Variants in MED27 observed in about 807,000 individuals in gnomAD.
The protein encoded by MED27 is mediator of RNA polymerase II transcription subunit 27.
In MED27, 30 loss-of-function variants were observed where a neutral mutation model predicts 38.2. The observed-to-expected ratio is 0.79, with a 90% CI of 0.59 to 1.07. The LOEUF is 1.07. Among genes scored for constraint, MED27 ranks in the 50% least tolerant of loss-of-function variants. The pLI is 0.00. For missense variants in MED27, 289 were observed against 397.5 expected (o/e 0.73, Z 2.32); for synonymous variants, 122 against 153.5 (o/e 0.79, Z 1.52).
At chr9:131,958,248 G>T (rs1015074822) in intron 3 of MED27, among the ~76,000 whole-genome samples, 16 of 141,760 alleles carry the variant, frequency 1.1e-4, no homozygotes, top group African/African-American at 2.6e-4. Flanking sequence ...ATTCAGTGGG[G>T]TTTTTTTTTT....
intron 2 of MED27, among the ~76,000 whole-genome samples, chr9:132,058,107 T>G (rs1833619607): frequency 1.3e-5 from 2 of 152,198 alleles, no homozygotes; most frequent in South Asian, 4.1e-4. Context: ...AAGTAAAAAC[T>G]TTAAGCTGAG....
chr9:132,016,732 T>A (rs1305781638), intron 2 of MED27, among the ~76,000 whole-genome samples: 1 of 152,214 alleles, frequency 6.6e-6, no homozygotes, highest in African/African-American at 2.4e-5. Context: ...CTAGGGTCCA[T>A]GCAAGCTCAG....
chr9:132,074,831 A>G (rs1262964325), intron 2 of MED27, among the ~76,000 whole-genome samples: 1 of 152,262 alleles, frequency 6.6e-6, no homozygotes, highest in Non-Finnish European at 1.5e-5. Flanking sequence ...TAATAGTCAC[A>G]TAGGACATTA....
intron 4 of MED27, among the ~76,000 whole-genome samples, chr9:131,928,329 TC>T (rs1830519118): frequency 6.6e-6 from 1 of 151,802 alleles, no homozygotes; most frequent in Non-Finnish European, 1.5e-5. Flanking sequence ...GACAGAAGCC[TC>T]CCCCGACCAT....
intron 4 of MED27, among the ~76,000 whole-genome samples, chr9:131,930,386 A>C (rs1830562669): frequency 6.6e-6 from 1 of 152,210 alleles, no homozygotes; most frequent in African/African-American, 2.4e-5. Context: ...AACAAATAAC[A>C]TAGAGTGGAG....
chr9:131,906,177 C>T (rs1029001122), intron 4 of MED27, among the ~76,000 whole-genome samples: 35 of 152,174 alleles, frequency 2.3e-4, no homozygotes, highest in Admixed American at 5.9e-4. Context: ...TGCCAAGCAT[C>T]GTTCTAAGGA....
chr9:131,924,662 A>C (rs1397089044), intron 4 of MED27, among the ~76,000 whole-genome samples: 1 of 152,040 alleles, frequency 6.6e-6, no homozygotes, highest in Non-Finnish European at 1.5e-5. Flanking sequence ...AGGCTATTTT[A>C]TTCTACTAGC....
intron 3 of MED27, among the ~76,000 whole-genome samples, chr9:131,998,555 T>A (rs1039580390): frequency 2.0e-5 from 3 of 152,216 alleles, no homozygotes; most frequent in Non-Finnish European, 4.4e-5. Flanking sequence ...CCCAACGATG[T>A]CAGAGGTTCC....
intron 2 of MED27, among the ~76,000 whole-genome samples, chr9:132,045,951 G>A (rs1216528356): frequency 6.6e-6 from 1 of 152,208 alleles, no homozygotes; most frequent in Non-Finnish European, 1.5e-5. Flanking sequence ...AGCTCCAGCA[G>A]CCATACTGGA....
intron 4 of MED27, among the ~76,000 whole-genome samples, chr9:131,918,134 T>C (rs1830326130): frequency 6.6e-6 from 1 of 152,224 alleles, no homozygotes. Flanking sequence ...GATAGAGGAA[T>C]ATGTTTTCCA....
At position 131,889,215 on chromosome 9, in the gene MED27, T is replaced by C. The variant is rs981838816; in HGVS notation, c.681+4670A>G. Among the ~76,000 whole-genome samples, 29 of 152,196 alleles carry C rather than the reference T, an allele frequency of 1.9e-4. No individual in the cohort carries two copies. Among genetic ancestry groups the C allele is most frequent in the Admixed American group, 1.4e-3 (22 of 15,274 alleles). ...GTGGGAAGAATGCAGGGATCAGAAA[T>C]TACCCTGGAGACAGCTCTGGCTGTC... is the stretch of plus-strand genomic sequence containing the variant. On this transcript the variant is annotated intron_variant, in intron 5 of 7. Transcript: ENST00000292035. The surrounding 1 kb of genome is among the most constrained non-coding windows in gnomAD (Gnocchi z 4.2).
chr9:131,914,380 G>T (rs923306143), intron 4 of MED27, among the ~76,000 whole-genome samples: 7 of 152,208 alleles, frequency 4.6e-5, no homozygotes, highest in African/African-American at 1.7e-4. Context: ...AGGCAGGCAG[G>T]CAAGTTCTTC....
chr9:131,936,593 A>G (rs1307937967), intron 4 of MED27, among the ~76,000 whole-genome samples: 2 of 152,242 alleles, frequency 1.3e-5, no homozygotes, highest in Non-Finnish European at 2.9e-5. Context: ...TTGTATGCAC[A>G]GGGATGGAAG....
At chr9:131,975,681 G>A (rs1831589830) in intron 3 of MED27, among the ~76,000 whole-genome samples, 1 of 152,114 alleles carries the variant, frequency 6.6e-6, no homozygotes, top group South Asian at 2.1e-4. Context: ...GCAGAGTAAC[G>A]CAAATATGTA....
intron 2 of MED27, among the ~76,000 whole-genome samples, chr9:132,069,630 C>T (rs563269415): frequency 6.6e-6 from 1 of 152,342 alleles, no homozygotes; most frequent in East Asian, 1.9e-4. Flanking sequence ...AGAAACATTA[C>T]TGGACTAGAG....
intron 6 of MED27, among the ~76,000 whole-genome samples, chr9:131,877,337 A>T (rs1232318475): frequency 6.6e-6 from 1 of 152,168 alleles, no homozygotes; most frequent in East Asian, 1.9e-4. Context: ...AGGCTGAGAC[A>T]GGTGGATCAT....
chr9:131,994,919 A>T (rs1374963729), intron 3 of MED27, among the ~76,000 whole-genome samples: 1 of 152,186 alleles, frequency 6.6e-6, no homozygotes. Context: ...TCACTCTGGC[A>T]TGTGGGTAAA....
intron 2 of MED27, among the ~76,000 whole-genome samples, chr9:132,052,366 C>T (rs1564341448): frequency 1.3e-5 from 2 of 152,228 alleles, no homozygotes; most frequent in African/African-American, 4.8e-5. Flanking sequence ...ATTAGTTATA[C>T]AATATATAGG....
intron 2 of MED27, among the ~76,000 whole-genome samples, chr9:132,038,791 C>T (rs573865432): frequency 6.6e-6 from 1 of 152,218 alleles, no homozygotes; most frequent in East Asian, 1.9e-4. Flanking sequence ...GGCTTTGAAT[C>T]AGCAGGAGAC....
Sources: gnomAD v4.1 joint callset for allele counts (sites outside exome capture counted in the v4.1 genomes callset) on GRCh38, gnomAD v4.1.1 for gene constraint, Gnocchi (gnomAD v3.1) non-coding constraint, MANE v1.5 for transcripts, NCBI Gene and HGNC (gene_info 2026-07-23, HGNC 2026-07-21) for gene names.